RND3: variants seen among roughly 807,000 people sequenced by gnomAD.
RND3 encodes the protein rho-related GTP-binding protein RhoE.
Under a neutral mutation model 26.5 loss-of-function variants are expected in RND3, and 8 were observed. That is an observed-to-expected ratio of 0.30 (90% CI 0.18 to 0.54). RND3 has a LOEUF of 0.54. RND3 is among the 20% of genes least tolerant of loss of function. The pLI is 0.94. For synonymous variants in RND3, 113 were observed against 113.0 expected, an observed-to-expected ratio of 1.00 and a Z score of 0.00; for missense variants, 207 against 302.8, an observed-to-expected ratio of 0.68 and a Z score of 2.35.
At chr2:150,473,004 C>CCCTCCCTT (rs1686111149) in intron 4 of RND3, among the ~76,000 whole-genome samples, 1 of 147,252 alleles carries the variant, frequency 6.8e-6, no homozygotes, top group South Asian at 2.3e-4. Context: ...CTCCCTCCCT[C>CCCTCCCTT]CCTCCCTTCC....
intron 5 of RND3, among the ~76,000 whole-genome samples, chr2:150,470,704 G>GCT (rs1372307825): frequency 6.6e-6 from 1 of 152,208 alleles, no homozygotes; most frequent in African/African-American, 2.4e-5. Flanking sequence ...AAGTAAGTTA[G>GCT]CTGAAGGTCA....
At chr2:150,473,649 A>G (rs1357792176) in intron 4 of RND3, among the ~76,000 whole-genome samples, 1 of 152,238 alleles carries the variant, frequency 6.6e-6, no homozygotes, top group African/African-American at 2.4e-5. Flanking sequence ...TGATCTATTA[A>G]GAAAGAGATC....
At position 150,469,285 on chromosome 2, in the gene RND3, T is replaced by C. The variant is rs1321846902; in HGVS notation, c.*702A>G. On this transcript the variant is annotated 3_prime_UTR_variant, in exon 6 of 6. Transcript: ENST00000263895. ...ACAATGAAGAACAGAACCATCAGAC[T>C]GAATAAAAATCGACATTTTTTTTCC... is the stretch of plus-strand genomic sequence containing the variant. 3.9e-5 allele frequency: 6 copies of C among 152,736 alleles called. No homozygotes were observed. The South Asian group carries it at 1.2e-3, about 32-fold the overall frequency. The allele number at this position is 152,736 out of a possible 1,614,324, so 9.5% of individuals were successfully genotyped here.
chr2:150,487,458 T>TAAA lies in RND3; in HGVS notation c.-38-4_-38-3insTTT. On this transcript the variant is annotated splice_region_variant and splice_polypyrimidine_tract_variant and intron_variant, in intron 1 of 5. Coordinates refer to ENST00000263895, the MANE Select transcript of RND3 (RefSeq NM_005168.5). ...TTCTCTTGGAACAGGAATTTTCTCT[T>TAAA]AAGAAGAAAAAAAAAAATATATATA... 1 of 877,404 alleles carries TAAA rather than the reference T, an allele frequency of 1.1e-6. No homozygotes were observed. The allele number at this position is 877,404 out of a possible 1,614,324, so 54.4% of individuals were successfully genotyped here. A position where few individuals can be genotyped will look rare whatever the true frequency, so the allele number is the denominator to read the frequency against.
intron 3 of RND3, among the ~76,000 whole-genome samples, chr2:150,484,840 G>C (rs145771258): frequency 0.017 from 2,635 of 152,216 alleles, 37 homozygotes; most frequent in South Asian, 0.03. Flanking sequence ...TCAACGACTG[G>C]TTCAGACACA....
At chr2:150,480,478 A>G (rs929970211) in intron 3 of RND3, among the ~76,000 whole-genome samples, 10 of 152,208 alleles carry the variant, frequency 6.6e-5, no homozygotes, top group African/African-American at 2.4e-4. Context: ...GCCAGGCACC[A>G]TGAGCTAACT....
At chr2:150,471,325 G>A (rs1173286252) in intron 5 of RND3, among the ~76,000 whole-genome samples, 5 of 152,088 alleles carry the variant, frequency 3.3e-5, no homozygotes, top group East Asian at 1.9e-4. Flanking sequence ...TTGTACTGCC[G>A]ACTGTAAAAT....
At chr2:150,483,518 G>GA (rs1272116302) in intron 3 of RND3, among the ~76,000 whole-genome samples, 3 of 151,950 alleles carry the variant, frequency 2.0e-5, no homozygotes, top group Non-Finnish European at 4.4e-5. Flanking sequence ...ATGGCCTTTG[G>GA]AAAAAATAAA....
chr2:150,476,265 G>C (rs2105218569), intron 3 of RND3, among the ~76,000 whole-genome samples: 1 of 152,326 alleles, frequency 6.6e-6, no homozygotes, highest in African/African-American at 2.4e-5. Flanking sequence ...GTCAGGAAGA[G>C]AGACTTAAAA....
Position 150,469,934 on chromosome 2 carries a change from G to C in RND3, c.*53C>G. Reference sequence around the variant, plus strand: ...TCATTTAGACTTCACCTTTTTGTTTGCTGTTGTTTTTTACACTAGATTCCT... The same window carrying C: ...TCATTTAGACTTCACCTTTTTGTTTCCTGTTGTTTTTTACACTAGATTCCT... On this transcript the variant is annotated 3_prime_UTR_variant, in exon 6 of 6. Transcript: ENST00000263895. 1 of 1,592,502 alleles carries C rather than the reference G, an allele frequency of 6.3e-7. No homozygotes were observed. Among genetic ancestry groups the C allele is most frequent in the Non-Finnish European group, 8.6e-7 (1 of 1,166,716 alleles).
rs538520614 is a variant in RND3 at position 150,486,102 on chromosome 2, G to C, written c.238+592C>G. ...AGGCACCGCGGGCGGCCGGCAGCGC[G>C]AAGAGGAGGTTCAGCTGCTGCCCGG... is the stretch of plus-strand genomic sequence containing the variant. On this transcript the variant is annotated intron_variant, in intron 3 of 5. Coordinates refer to ENST00000263895, the MANE Select transcript of RND3 (RefSeq NM_005168.5). The surrounding 1 kb of genome is among the most constrained non-coding windows in gnomAD (Gnocchi z 4.5). Among the ~76,000 whole-genome samples the C allele has an allele frequency of 6.6e-6, 1 of 152,180 alleles. No homozygotes were observed. The highest frequency in any genetic ancestry group is 1.5e-5 in the Non-Finnish European group (1 of 68,028).
chr2:150,468,721 T>G lies in RND3; in HGVS notation c.*1266A>C, dbSNP rs1686033723. ...GGTCAAAAATATCTGTAAACTATTT[T>G]AAATGCTTATTATTTTACGTAACAA... On this transcript the variant is annotated 3_prime_UTR_variant, in exon 6 of 6. Transcript: ENST00000263895. 6.6e-6 allele frequency: 1 copy of G among 152,652 alleles called. No homozygotes were observed. The highest frequency in any genetic ancestry group is 6.5e-5 in the Admixed American group (1 of 15,278). 9.5% of individuals were successfully genotyped at this position (152,652 alleles called of 1,614,324 possible).
chr2:150,487,474 A>AAAAAAT lies in RND3; in HGVS notation c.-38-20_-38-19insATTTTT. 4.1e-4 allele frequency: 83 copies of AAAAAAT among 200,798 alleles called. 1 individual carries two copies. Among genetic ancestry groups the AAAAAAT allele is most frequent in the African/African-American group, 2.5e-4 (9 of 36,656 alleles). The allele number at this position is 200,798 out of a possible 1,614,324, so 12.4% of individuals were successfully genotyped here. A position where few individuals can be genotyped will look rare whatever the true frequency, so the allele number is the denominator to read the frequency against. On this transcript the variant is annotated intron_variant, in intron 1 of 5. Coordinates refer to ENST00000263895, the MANE Select transcript of RND3 (RefSeq NM_005168.5). ...ATTTTCTCTTAAGAAGAAAAAAAAA[A>AAAAAAT]ATATATATATATATATATATTTCTC... is the stretch of plus-strand genomic sequence containing the variant.
chr2:150,482,102 C>A (rs192465711), intron 3 of RND3, among the ~76,000 whole-genome samples: 1 of 152,112 alleles, frequency 6.6e-6, no homozygotes, highest in Non-Finnish European at 1.5e-5. Context: ...TGACAAGATT[C>A]GAAAGAGTGT....
intron 4 of RND3, among the ~76,000 whole-genome samples, chr2:150,473,965 G>C (rs1686124631): frequency 6.6e-6 from 1 of 152,238 alleles, no homozygotes; most frequent in Admixed American, 6.5e-5. Context: ...GTTGAAGCCA[G>C]TGTGTGGAGG....
chr2:150,486,715 A>G lies in RND3; in HGVS notation c.217T>C (p.Leu73=). 6.2e-7 allele frequency: 1 copy of G among 1,613,170 alleles called. No individual in the cohort carries two copies. The highest frequency in any genetic ancestry group is 8.5e-7 in the Non-Finnish European group (1 of 1,179,194). The change falls in exon 3 of 6, where the codon TTG becomes CTG. Residue 73 remains leucine, a synonymous_variant. Transcript: ENST00000263895. This position sits in a 1 kb window ranked among gnomAD's most constrained non-coding sequence, Gnocchi z 4.5. ...TTACCCGAAGTGTCCCACAGGCTCA[A>G]CTCTATTCTTTGTGTGTCGATTTCA... ...SFEIDTQRIE[L]SLWDTSGSPY...
chr2:150,471,524 G>T, intron 5 of RND3, 103 bp downstream of exon 5: 2 of 940,712 alleles, frequency 2.1e-6, no homozygotes, highest in Non-Finnish European at 3.2e-6. Flanking sequence ...CACTGGGTGA[G>T]CCTTTAGAAA....
At chr2:150,472,385 GA>G (rs1225775968) in intron 4 of RND3, among the ~76,000 whole-genome samples, 1 of 152,206 alleles carries the variant, frequency 6.6e-6, no homozygotes, top group Non-Finnish European at 1.5e-5. Context: ...GGGTCATCGG[GA>G]AGGCAGCTGG....
intron 5 of RND3, 131 bp from the exon 6 acceptor site, chr2:150,470,369 G>C (rs1686067480): frequency 3.1e-6 from 3 of 956,092 alleles, no homozygotes; most frequent in Non-Finnish European, 4.6e-6. Flanking sequence ...TTTTCCAAGT[G>C]TCATTGCAAA....
Sources: gnomAD v4.1 joint callset for allele counts (sites outside exome capture counted in the v4.1 genomes callset) on GRCh38, gnomAD v4.1.1 for gene constraint, Gnocchi (gnomAD v3.1) non-coding constraint, MANE v1.5 for transcripts, NCBI Gene and HGNC (gene_info 2026-07-23, HGNC 2026-07-21) for gene names.